The following PTPRN2 variants were observed in gnomAD, a reference collection of about 807,000 sequenced individuals.
The protein encoded by PTPRN2 is protein tyrosine phosphatase receptor type N2.
In PTPRN2, 74 loss-of-function variants were observed where a neutral mutation model predicts 118.8. The observed-to-expected ratio is 0.62, with a 90% CI of 0.52 to 0.76. The LOEUF (loss-of-function observed/expected upper bound fraction) is 0.76, where lower values mean the gene tolerates loss of function less well. PTPRN2 is among the 30% of genes least tolerant of loss of function. The probability of loss-of-function intolerance (pLI) is 0.00; values close to 1 mark genes in which losing one functional copy is unlikely to be tolerated. For missense variants in PTPRN2, 1,481 were observed against 1,394.4 expected (o/e 1.06, Z -0.99); for synonymous variants, 641 against 608.0 (o/e 1.05, Z -0.80).
chr7:158,264,816 G>A lies in PTPRN2; in HGVS notation c.277+52003C>T, dbSNP rs576705561. 5.3e-5 allele frequency among the ~76,000 whole-genome samples: 8 copies of A among 152,300 alleles called. No homozygotes were observed. In the South Asian group the frequency reaches 1.2e-3, roughly 24 times the overall value. On this transcript the variant is annotated intron_variant, in intron 3 of 22. Transcript: ENST00000389418. ...GTTCCTGGTAGGGTTCCAGAACAGC[G>A]ATGCTGCTTCTCACGTGGGGTCCCT...
chr7:157,737,540 C>G (rs1800372780), intron 12 of PTPRN2, among the ~76,000 whole-genome samples: 1 of 152,230 alleles, frequency 6.6e-6, no homozygotes, highest in Non-Finnish European at 1.5e-5. Context: ...TGGTTATCCC[C>G]TGAGGCGAGG....
intron 2 of PTPRN2, among the ~76,000 whole-genome samples, chr7:158,369,814 C>T (rs1293201218): frequency 6.6e-6 from 1 of 152,172 alleles, no homozygotes; most frequent in Non-Finnish European, 1.5e-5. Context: ...CATGTAAATT[C>T]TAAAAAGCAT....
intron 12 of PTPRN2, among the ~76,000 whole-genome samples, chr7:157,716,698 A>G (rs111588758): frequency 4.0e-4 from 14 of 35,324 alleles, no homozygotes; most frequent in African/African-American, 3.1e-4. Context: ...GCCTGGTCAC[A>G]CAGACTCTGC....
chr7:158,180,161 T>A (rs551671450), intron 5 of PTPRN2, among the ~76,000 whole-genome samples: 1 of 152,350 alleles, frequency 6.6e-6, no homozygotes, highest in African/African-American at 2.4e-5. Context: ...TTACCCTGCA[T>A]CAATAGAGAT....
chr7:158,316,917 CT>C lies in PTPRN2; in HGVS notation c.178del (p.Arg60GlyfsTer45). The C allele has an allele frequency of 6.2e-7, 1 of 1,611,310 alleles. No homozygotes were observed. The highest frequency in any genetic ancestry group is 2.2e-5 in the East Asian group (1 of 44,876). On this transcript the variant is annotated frameshift_variant, in exon 3 of 23. Coordinates refer to ENST00000389418, the MANE Select transcript of PTPRN2 (RefSeq NM_002847.5). LOFTEE classifies it high-confidence loss of function. ...GTCCATTGCCGGAACCTTCTGGCACCTTCCAAACACTCCATCTGTGAGAAGG... is the reference window on the plus strand; with the variant it reads ...GTCCATTGCCGGAACCTTCTGGCACCTCCAAACACTCCATCTGTGAGAAGG... Reference protein sequence around the residue: ...EACVNDGVFGRCQKVPAMDFY... With the variant: ...EACVNDGVFGXCQKVPAMDFY...
chr7:157,795,167 CG>C (rs11354541), intron 12 of PTPRN2, among the ~76,000 whole-genome samples: 7,470 of 90,804 alleles, frequency 0.082, 799 homozygotes, highest in African/African-American at 0.27. Context: ...GGGTCGGGGG[CG>C]GGGGGGGCTC....
chr7:157,546,203 C>T (rs755003933), intron 22 of PTPRN2, among the ~76,000 whole-genome samples: 2 of 152,130 alleles, frequency 1.3e-5, no homozygotes, highest in Non-Finnish European at 2.9e-5. Flanking sequence ...GTGCAGAAAA[C>T]GGAGCTTCGG....
At chr7:158,202,292 G>A (rs912762696) in intron 4 of PTPRN2, among the ~76,000 whole-genome samples, 9 of 152,162 alleles carry the variant, frequency 5.9e-5, no homozygotes, top group Non-Finnish European at 1.5e-5. Flanking sequence ...TGAGGAAGAC[G>A]ATGGGCCACA....
chr7:158,138,572 G>A (rs1163024323), intron 6 of PTPRN2, 57 bp from the exon 7 acceptor site: 5 of 1,518,840 alleles, frequency 3.3e-6, no homozygotes, highest in Non-Finnish European at 3.6e-6. Flanking sequence ...CAAAGGTGAG[G>A]GCCTCCAGAC....
At chr7:158,207,023 T>A (rs1428196128) in intron 3 of PTPRN2, among the ~76,000 whole-genome samples, 3 of 144,024 alleles carry the variant, frequency 2.1e-5, no homozygotes, top group Admixed American at 7.0e-5. Context: ...GTGATCTCAT[T>A]GTTCAATTCC....
chr7:158,217,673 C>T (rs1053075048), intron 3 of PTPRN2, among the ~76,000 whole-genome samples: 2 of 152,236 alleles, frequency 1.3e-5, no homozygotes, highest in Admixed American at 6.5e-5. Flanking sequence ...CAATGAGATA[C>T]AGGAGAAAGT....
At chr7:158,447,130 A>C (rs549157984) in intron 2 of PTPRN2, among the ~76,000 whole-genome samples, 108 of 152,200 alleles carry the variant, frequency 7.1e-4, no homozygotes, top group African/African-American at 2.5e-3. Context: ...ACACTGAAAC[A>C]TTCCTTCCCA....
At position 158,110,824 on chromosome 7, in the gene PTPRN2, C is replaced by G. The variant is rs759042525; in HGVS notation, c.1643+5G>C. 19 of 1,578,982 alleles carry G rather than the reference C, an allele frequency of 1.2e-5. No individual in the cohort carries two copies. The highest frequency in any genetic ancestry group is 1.6e-5 in the Non-Finnish European group (19 of 1,161,700). Reference sequence around the variant, plus strand: ...CAAACAGAAACCCCAGGGCCCCGTACTTACTCCACGTCAGCGAACGCACTG... The same window carrying G: ...CAAACAGAAACCCCAGGGCCCCGTAGTTACTCCACGTCAGCGAACGCACTG... On this transcript the variant is annotated splice_donor_5th_base_variant and intron_variant, in intron 10 of 22. Coordinates refer to ENST00000389418, the MANE Select transcript of PTPRN2 (RefSeq NM_002847.5).
chr7:158,494,885 A>G (rs1022949489), intron 1 of PTPRN2, among the ~76,000 whole-genome samples: 1 of 152,172 alleles, frequency 6.6e-6, no homozygotes, highest in African/African-American at 2.4e-5. Context: ...TCTAAAAAAT[A>G]TAACGAAGCA....
At chr7:157,715,303 G>A (rs1002695069) in intron 12 of PTPRN2, among the ~76,000 whole-genome samples, 1 of 152,192 alleles carries the variant, frequency 6.6e-6, no homozygotes, top group Non-Finnish European at 1.5e-5. Flanking sequence ...GCCGGCGGCC[G>A]CGGGAAACCC....
intron 9 of PTPRN2, among the ~76,000 whole-genome samples, chr7:158,120,002 G>T (rs1817027354): frequency 6.6e-6 from 1 of 152,192 alleles, no homozygotes; most frequent in Non-Finnish European, 1.5e-5. Flanking sequence ...TGCACCAAAA[G>T]TAGAATATTA....
intron 14 of PTPRN2, among the ~76,000 whole-genome samples, chr7:157,625,946 A>C (rs1374395611): frequency 6.6e-6 from 1 of 152,234 alleles, no homozygotes; most frequent in Non-Finnish European, 1.5e-5. Flanking sequence ...ACTGTAAGGC[A>C]ACCTTTTCCC....
At position 157,566,290 on chromosome 7, in the gene PTPRN2, T is replaced by A. The variant is rs556693417; in HGVS notation, c.2902+2612A>T. Among the ~76,000 whole-genome samples, 37 of 152,316 alleles carry A rather than the reference T, an allele frequency of 2.4e-4. No individual in the cohort carries two copies. In the South Asian group the frequency reaches 7.7e-3, roughly 32 times the overall value. On this transcript the variant is annotated intron_variant, in intron 21 of 22. Coordinates refer to ENST00000389418, the MANE Select transcript of PTPRN2 (RefSeq NM_002847.5). Reference sequence around the variant, plus strand: ...ACAGAAAGGGAAATGGGAAGAAAGGTTTCACGTCCAGGACTCTGGGCCTTT... The same window carrying A: ...ACAGAAAGGGAAATGGGAAGAAAGGATTCACGTCCAGGACTCTGGGCCTTT...
chr7:158,300,559 G>GCCTCGCCCGCCACCCAGTCCCGCAGCA lies in PTPRN2; in HGVS notation c.277+16259_277+16260insTGCTGCGGGACTGGGTGGCGGGCGAGG, dbSNP rs1490485897. On this transcript the variant is annotated intron_variant, in intron 3 of 22. Transcript: ENST00000389418. ...ACACCCCAATCTGCACGCCCACAGC[G>GCCTCGCCCGCCACCCAGTCCCGCAGCA]CCTCGCCCGCCACCCAGTCCCGCAG... Among the ~76,000 whole-genome samples the GCCTCGCCCGCCACCCAGTCCCGCAGCA allele has an allele frequency of 1.1e-4, 16 of 151,976 alleles. No homozygotes were observed. In the East Asian group the frequency reaches 2.1e-3, roughly 20 times the overall value.
Sources: gnomAD v4.1 joint callset for allele counts (sites outside exome capture counted in the v4.1 genomes callset) on GRCh38, gnomAD v4.1.1 for gene constraint, MANE v1.5 for transcripts, NCBI Gene and HGNC (gene_info 2026-07-23, HGNC 2026-07-21) for gene names.